Variants in AP3S2 observed in about 807,000 individuals in gnomAD.
The protein encoded by AP3S2 is adaptor related protein complex 3 subunit sigma 2, also known as AP-3 complex subunit sigma-2.
A neutral mutation model predicts 23.4 loss-of-function variants in AP3S2; 22 were observed. The observed-to-expected ratio is 0.94, with a 90% CI of 0.67 to 1.34. The LOEUF is 1.34. AP3S2 is among the 40% of genes most tolerant of loss of function. The pLI is 0.00. For missense variants in AP3S2, 241 were observed against 236.9 expected, an observed-to-expected ratio of 1.02 and a Z score of -0.11; for synonymous variants, 86 against 87.1, an observed-to-expected ratio of 0.99 and a Z score of 0.07.
chr15:89,847,839 A>G (rs943044041), intron 4 of AP3S2, among the ~76,000 whole-genome samples: 1 of 152,252 alleles, frequency 6.6e-6, no homozygotes, highest in African/African-American at 2.4e-5. Flanking sequence ...TTTCAAGGCT[A>G]GCAGCTCATG....
chr15:89,885,791 A>C (rs1896684931), intron 3 of AP3S2, among the ~76,000 whole-genome samples: 1 of 151,972 alleles, frequency 6.6e-6, no homozygotes, highest in East Asian at 1.9e-4. Context: ...AATTCAAAAA[A>C]TTAGCCAGAT....
intron 4 of AP3S2, among the ~76,000 whole-genome samples, chr15:89,866,552 C>A (rs1312200352): frequency 6.7e-6 from 1 of 149,600 alleles, no homozygotes; most frequent in African/African-American, 2.5e-5. Context: ...ATGGCATGAT[C>A]TCGGCTCCCT....
intron 1 of AP3S2, among the ~76,000 whole-genome samples, chr15:89,889,863 CAAAAAAAAAAAAA>C (rs940624860): frequency 1.0e-4 from 2 of 19,238 alleles, no homozygotes; most frequent in African/African-American, 1.6e-4. Context: ...GACTCCATCT[CAAAAAAAAAAAAA>C]AAAAAAAAAA....
chr15:89,867,187 TG>T (rs1896152380), intron 4 of AP3S2, among the ~76,000 whole-genome samples: 5 of 149,334 alleles, frequency 3.3e-5, no homozygotes, highest in Admixed American at 3.3e-4. Flanking sequence ...CACGCCTGAC[TG>T]GTTTTGGTGG....
At chr15:89,878,091 C>T (rs1896485245) in intron 3 of AP3S2, among the ~76,000 whole-genome samples, 1 of 151,982 alleles carries the variant, frequency 6.6e-6, no homozygotes, top group African/African-American at 2.4e-5. Flanking sequence ...TAACCTTGTA[C>T]AGTTATTTTC....
chr15:89,876,281 T>G (rs1896441467), intron 3 of AP3S2, among the ~76,000 whole-genome samples: 1 of 151,984 alleles, frequency 6.6e-6, no homozygotes, highest in Non-Finnish European at 1.5e-5. Context: ...TAGCCAGGCG[T>G]GGTGATGCAT....
chr15:89,867,023 C>T (rs1448823670), intron 4 of AP3S2, among the ~76,000 whole-genome samples: 22 of 120,148 alleles, frequency 1.8e-4, no homozygotes, highest in African/African-American at 4.8e-4. Context: ...CCTCCCCCTC[C>T]CCCTCTCCCT....
intron 4 of AP3S2, chr15:89,865,617 C>T (rs1474584408): frequency 6.6e-6 from 1 of 152,228 alleles, no homozygotes; most frequent in Non-Finnish European, 1.5e-5. Flanking sequence ...TGCTGCAGCC[C>T]TGCTGGTGCT....
At chr15:89,859,519 C>T (rs1352420232) in intron 4 of AP3S2, among the ~76,000 whole-genome samples, 8 of 149,900 alleles carry the variant, frequency 5.3e-5, no homozygotes, top group Admixed American at 2.0e-4. Context: ...TCACGTCTCC[C>T]GTGTAGCTGG....
chr15:89,877,873 G>A (rs950286692), intron 3 of AP3S2, among the ~76,000 whole-genome samples: 2 of 152,044 alleles, frequency 1.3e-5, no homozygotes, highest in African/African-American at 4.8e-5. Context: ...TTAATTTATT[G>A]AAAAATAAGA....
chr15:89,837,197 C>A (rs182546048), intron 5 of AP3S2, among the ~76,000 whole-genome samples: 4 of 152,246 alleles, frequency 2.6e-5, no homozygotes, highest in Admixed American at 6.5e-5. Context: ...CTGAAAGACA[C>A]CACGAGAAAT....
chr15:89,854,353 A>G (rs1895751640), intron 4 of AP3S2, among the ~76,000 whole-genome samples: 1 of 41,810 alleles, frequency 2.4e-5, no homozygotes, highest in Non-Finnish European at 4.9e-5. Flanking sequence ...TAGGGGGGTC[A>G]GCCCCCCGCC....
chr15:89,859,405 T>C (rs917682791), intron 4 of AP3S2, among the ~76,000 whole-genome samples: 1 of 146,436 alleles, frequency 6.8e-6, no homozygotes, highest in Non-Finnish European at 1.5e-5. Flanking sequence ...CTTTCTTTTT[T>C]TTTTTTGAGA....
chr15:89,887,515 G>T lies in AP3S2; in HGVS notation c.273+1006C>A, dbSNP rs188025893. Among the ~76,000 whole-genome samples the T allele has an allele frequency of 1.1e-3, 172 of 151,762 alleles. 1 individual carries two copies. The highest frequency in any genetic ancestry group is 3.8e-3 in the African/African-American group (157 of 41,236). ...GCCTCCCGAGTAGCTGGGATTACTG[G>T]CACGTGCCACTACGCCCGGCTAATT... On this transcript the variant is annotated intron_variant, in intron 3 of 5. Coordinates refer to ENST00000336418, the MANE Select transcript of AP3S2 (RefSeq NM_005829.5).
chr15:89,885,348 A>G (rs1293742333), intron 3 of AP3S2, among the ~76,000 whole-genome samples: 1 of 152,102 alleles, frequency 6.6e-6, no homozygotes, highest in Non-Finnish European at 1.5e-5. Context: ...GATTACAGGC[A>G]TGTGCCACCA....
At chr15:89,850,226 G>C (rs1012993756) in intron 4 of AP3S2, among the ~76,000 whole-genome samples, 2 of 152,078 alleles carry the variant, frequency 1.3e-5, no homozygotes, top group Admixed American at 1.3e-4. Context: ...TCTTCAGACT[G>C]GACATTTCCA....
At chr15:89,879,272 C>G (rs1896515920) in intron 3 of AP3S2, among the ~76,000 whole-genome samples, 1 of 152,178 alleles carries the variant, frequency 6.6e-6, no homozygotes, top group African/African-American at 2.4e-5. Flanking sequence ...AAAGGCAAAG[C>G]CTTTGTTTGG....
chr15:89,865,278 A>G (rs910144286), intron 4 of AP3S2, among the ~76,000 whole-genome samples: 1 of 151,988 alleles, frequency 6.6e-6, no homozygotes, highest in African/African-American at 2.4e-5. Context: ...ACTGGCTCCT[A>G]AGTTTTGCCT....
intron 4 of AP3S2, among the ~76,000 whole-genome samples, chr15:89,844,461 A>G (rs991870772): frequency 1.3e-5 from 2 of 150,848 alleles, no homozygotes; most frequent in African/African-American, 4.9e-5. Flanking sequence ...CCTCAGTCTC[A>G]TGAGTAGCTG....
Sources: allele counts gnomAD v4.1 joint callset (sites outside exome capture counted in the v4.1 genomes callset), GRCh38; gene constraint gnomAD v4.1.1; transcripts MANE v1.5; gene names NCBI Gene and HGNC (gene_info 2026-07-23, HGNC 2026-07-21).